Variants in SLC5A2 observed in about 807,000 individuals in gnomAD.
The protein encoded by SLC5A2 is solute carrier family 5 member 2, also known as sodium/glucose cotransporter 2.
Under a neutral mutation model 69.0 loss-of-function variants are expected in SLC5A2, and 67 were observed. The ratio of observed to expected loss-of-function variants is 0.97; its 90% CI spans 0.80 to 1.19. SLC5A2 has a LOEUF of 1.19. Ranked by LOEUF, SLC5A2 falls within the 50% of genes most tolerant of loss-of-function variation. The pLI is 0.00. For missense variants in SLC5A2, 1,001 were observed against 921.5 expected, an observed-to-expected ratio of 1.09 and a Z score of -1.12; for synonymous variants, 455 against 395.8, an observed-to-expected ratio of 1.15 and a Z score of -1.78.
At chr16:31,489,549 T>C in intron 12 of SLC5A2, 1 of 614,092 alleles carries the variant, frequency 1.6e-6, no homozygotes, top group South Asian at 1.9e-5. Flanking sequence ...GATGGGTTGG[T>C]GATTAAAGCC....
Position 31,489,319 on chromosome 16 carries a change from C to G in SLC5A2, c.1646C>G (p.Ala549Gly). Residue 549 changes from alanine to glycine, a missense_variant, in exon 12 of 14, where the codon GCG becomes GGG. Ala to Gly is a moderately conservative substitution (Grantham distance 60). Coordinates refer to ENST00000330498, the MANE Select transcript of SLC5A2 (RefSeq NM_003041.4). ...LLTLTVSLCT[A>G]PIPRKHLHRL... ...ACCCTCACGGTCTCCCTGTGCACCG[C>G]GCCCATCCCCAGAAAGCACGTGAGT... 1.9e-6 allele frequency: 3 copies of G among 1,609,054 alleles called. No individual in the cohort carries two copies. Among genetic ancestry groups the G allele is most frequent in the Admixed American group, 3.3e-5 (2 of 60,020 alleles).
Position 31,490,511 on chromosome 16 carries a change from G to C in SLC5A2, c.1995G>C (p.Val665=), listed in dbSNP as rs2142639192. 6.2e-7 allele frequency: 1 copy of C among 1,613,132 alleles called. No homozygotes were observed. ...LNALLMMAVA[V]FLWGFYA The stretch of plus-strand genomic sequence containing the variant: ...CCCTGCTCATGATGGCAGTGGCCGT[G>C]TTCCTCTGGGGCTTCTATGCCTAAG... Residue 665 remains valine, a synonymous_variant, in exon 14 of 14, where the codon GTG becomes GTC. Transcript: ENST00000330498.
At chr16:31,487,911 A>G in intron 7 of SLC5A2, 127 bp from the exon 8 acceptor site, 4 of 1,461,772 alleles carry the variant, frequency 2.7e-6, no homozygotes, top group East Asian at 2.4e-5. Context: ...AGAAGGCTCC[A>G]TCTACTCCAA....
chr16:31,488,496 G>T lies in SLC5A2; in HGVS notation c.1129+6G>T. The T allele has an allele frequency of 6.2e-7, 1 of 1,605,190 alleles. No individual in the cohort carries two copies. The highest frequency in any genetic ancestry group is 2.2e-5 in the East Asian group (1 of 44,548). ...CGTGAAGCTCATGCCCAACGGTAAG[G>T]GCAGCCCCGGGCCACAGGCGCAAGC... is the stretch of plus-strand genomic sequence containing the variant. On this transcript the variant is annotated splice_donor_region_variant and intron_variant, in intron 9 of 13. Transcript: ENST00000330498.
intron 1 of SLC5A2, among the ~76,000 whole-genome samples, chr16:31,483,643 A>C (rs1192199112): frequency 6.6e-6 from 1 of 152,202 alleles, no homozygotes; most frequent in East Asian, 1.9e-4. Context: ...CTGTAATCCC[A>C]GCACTTTGGG....
chr16:31,483,372 A>C lies in SLC5A2; in HGVS notation c.126+110A>C, dbSNP rs1040970490. On this transcript the variant is annotated intron_variant, in intron 1 of 13. Transcript: ENST00000330498. ...ATGATGCTTGGATCTTTGAAGGAGA[A>C]ACCTAGGCCTGGGGGCAAGCAGGTC... 7.1e-6 allele frequency: 10 copies of C among 1,409,694 alleles called. No individual in the cohort carries two copies. The Admixed American group carries it at 1.5e-4, about 22-fold the overall frequency. The allele number at this position is 1,409,694 out of a possible 1,614,324, so 87.3% of individuals were successfully genotyped here.
rs2082528300 is a variant in SLC5A2 at position 31,488,915 on chromosome 16, C to T, written c.1316C>T (p.Ala439Val). The change falls in exon 11 of 14, where the codon GCC (alanine) becomes GTC (valine). Residue 439 changes from alanine to valine, a missense_variant. By Grantham distance (64) the Ala-to-Val change is moderately conservative. Coordinates refer to ENST00000330498, the MANE Select transcript of SLC5A2 (RefSeq NM_003041.4). ...WVVFIVVVSV[A>V]WLPVVQAAQG... is the part of the protein sequence containing the mutation. Reference sequence around the variant, plus strand: ...GTGTTCATCGTGGTAGTGTCGGTGGCCTGGCTTCCCGTGGTGCAGGCGGCA... The same window carrying T: ...GTGTTCATCGTGGTAGTGTCGGTGGTCTGGCTTCCCGTGGTGCAGGCGGCA... The T allele has an allele frequency of 3.7e-6, 6 of 1,605,034 alleles. No homozygotes were observed. In the East Asian group the frequency reaches 8.9e-5, roughly 24 times the overall value.
In SLC5A2 at chr16:31,485,719, C is replaced by T; in HGVS notation, c.304-10C>T. 3 of 1,612,270 alleles carry T rather than the reference C, an allele frequency of 1.9e-6. No individual in the cohort carries two copies. Among genetic ancestry groups the T allele is most frequent in the Non-Finnish European group, 2.5e-6 (3 of 1,180,024 alleles). ...AAAGCCACCCTCAGCGGCAGTACTG[C>T]CCCCCGTAGGCGCTCTTCGTGGTGC... is the stretch of plus-strand genomic sequence containing the variant. On this transcript the variant is annotated splice_polypyrimidine_tract_variant and intron_variant, in intron 3 of 13. Transcript: ENST00000330498.
rs765322166 is a variant in SLC5A2, at chr16:31,484,843, A to T, written c.223A>T (p.Asn75Tyr). Residue 75 changes from asparagine (N) to tyrosine (Y), a missense_variant, in exon 3 of 14, where the codon AAC becomes TAC. Physicochemically the swap from Asn to Tyr is moderately radical, Grantham distance 143 (BLOSUM62 -2). Transcript: ENST00000330498. ...GGTTGGGGCCTCTCTCTTCGCCAGC[A>T]ACATCGGCAGTGGCCACTTTGTGGG... ...WPVGASLFASNIGSGHFVGLA... is the reference protein window; with the variant it reads ...WPVGASLFASYIGSGHFVGLA... 3.1e-6 allele frequency: 5 copies of T among 1,613,902 alleles called. No homozygotes were observed. The highest frequency in any genetic ancestry group is 4.2e-6 in the Non-Finnish European group (5 of 1,180,036).
chr16:31,484,849 G>T lies in SLC5A2; in HGVS notation c.229G>T (p.Gly77Cys), dbSNP rs368277683. The T allele has an allele frequency of 1.4e-5, 22 of 1,613,838 alleles. No individual in the cohort carries two copies. Among genetic ancestry groups the T allele is most frequent in the Non-Finnish European group, 1.9e-5 (22 of 1,180,040 alleles). The change falls in exon 3 of 14, where the codon GGC becomes TGC. Residue 77 changes from glycine (G) to cysteine (C), a missense_variant. Coordinates refer to ENST00000330498, the MANE Select transcript of SLC5A2 (RefSeq NM_003041.4). The stretch of plus-strand genomic sequence containing the variant: ...GGCCTCTCTCTTCGCCAGCAACATC[G>T]GCAGTGGCCACTTTGTGGGCCTGGC... ...VGASLFASNI[G>C]SGHFVGLAGT...
chr16:31,489,339 G>A lies in SLC5A2; in HGVS notation c.1665+1G>A, dbSNP rs370026934. On this transcript the variant is annotated splice_donor_variant, in intron 12 of 13. Coordinates refer to ENST00000330498, the MANE Select transcript of SLC5A2 (RefSeq NM_003041.4). LOFTEE classifies it high-confidence loss of function. ...CACCGCGCCCATCCCCAGAAAGCAC[G>A]TGAGTGGCCAGGTGCCCCAGGCAAG... 6.8e-6 allele frequency: 11 copies of A among 1,606,690 alleles called. 1 individual carries two copies. The highest frequency in any genetic ancestry group is 1.6e-4 in the Middle Eastern group (1 of 6,082).
Position 31,486,390 on chromosome 16 carries a change from G to T in SLC5A2, c.574+115G>T, listed in dbSNP as rs534006326. ...CTGGAGAGGTCTGGAAGGGTGGTGT[G>T]GTCCAAGCAGGAGAAGGAACTAAAT... On this transcript the variant is annotated intron_variant, in intron 5 of 13. Transcript: ENST00000330498. 1.0e-4 allele frequency: 78 copies of T among 747,098 alleles called. No homozygotes were observed. In the East Asian group the frequency reaches 2.0e-3, roughly 19 times the overall value. The allele number at this position is 747,098 out of a possible 1,614,324, so 46.3% of individuals were successfully genotyped here. A position where few individuals can be genotyped will look rare whatever the true frequency, so the allele number is the denominator to read the frequency against.
rs760532652 is a variant in SLC5A2 at position 31,485,813 on chromosome 16, C to G, written c.388C>G (p.Arg130Gly). The change falls in exon 4 of 14, where the codon CGC becomes GGC. Residue 130 changes from arginine (R) to glycine (G), a missense_variant. Arg to Gly is a moderately radical substitution (Grantham distance 125). Coordinates refer to ENST00000330498, the MANE Select transcript of SLC5A2 (RefSeq NM_003041.4). ...AGVITMPQYL[R>G]KRFGGRRIRL... The stretch of plus-strand genomic sequence containing the variant: ...GGTCATCACGATGCCACAGTACCTG[C>G]GCAAGCGCTTCGGCGGCCGCCGCAT... The G allele has an allele frequency of 6.2e-7, 1 of 1,613,454 alleles. No homozygotes were observed. The highest frequency in any genetic ancestry group is 1.7e-5 in the Admixed American group (1 of 60,026).
At chr16:31,488,559 G>C in intron 9 of SLC5A2, 63 bp from the exon 10 acceptor site, 2 of 1,604,938 alleles carry the variant, frequency 1.2e-6, no homozygotes, top group East Asian at 2.2e-5. Context: ...GTCGTCCCTC[G>C]CGCAGCTGCA....
At position 31,488,076 on chromosome 16, in the gene SLC5A2, C is replaced by T. The variant is rs775545727; in HGVS notation, c.924C>T (p.Thr308=). 6.2e-7 allele frequency: 1 copy of T among 1,614,008 alleles called. No homozygotes were observed. Among genetic ancestry groups the T allele is most frequent in the South Asian group, 1.1e-5 (1 of 91,092 alleles). The change falls in exon 8 of 14, where the codon ACC becomes ACT. Residue 308 remains threonine (T), a synonymous_variant. Coordinates refer to ENST00000330498, the MANE Select transcript of SLC5A2 (RefSeq NM_003041.4). ...VQRCLAGKSL[T]HIKAGCILCG... ...GCTGCCTGGCCGGGAAGAGCCTGAC[C>T]CACATCAAGGCGGGCTGCATCCTGT...
intron 1 of SLC5A2, among the ~76,000 whole-genome samples, chr16:31,484,139 C>T (rs936545804): frequency 2.0e-5 from 3 of 151,604 alleles, no homozygotes; most frequent in African/African-American, 7.3e-5. Flanking sequence ...TGCCTCAGTA[C>T]TTTGGGAGGC....
rs1207076821 is a variant in SLC5A2, at chr16:31,489,266, T to C, written c.1593T>C (p.Ile531=). ...LCGVHYLYFA[I]VLFFCSGLLT... is the part of the protein sequence containing the mutation. ...GCGTGCACTACCTCTACTTCGCCAT[T>C]GTGCTGTTCTTCTGCTCTGGCCTCC... The change falls in exon 12 of 14, where the codon ATT becomes ATC. Residue 531 remains isoleucine (I), a synonymous_variant. Transcript: ENST00000330498. 6.2e-7 allele frequency: 1 copy of C among 1,611,054 alleles called. No homozygotes were observed. Among genetic ancestry groups the C allele is most frequent in the East Asian group, 2.2e-5 (1 of 44,872 alleles).
At chr16:31,489,977 TG>T in intron 12 of SLC5A2, 126 bp from the exon 13 acceptor site, 1 of 1,291,526 alleles carries the variant, frequency 7.7e-7, no homozygotes, top group Non-Finnish European at 1.1e-6. Flanking sequence ...GAGTTAAGCC[TG>T]GGCTGGGTGT....
In SLC5A2 at chr16:31,488,745, G is replaced by A. The variant is rs1320195158; in HGVS notation, c.1253G>A (p.Gly418Asp). The A allele has an allele frequency of 1.2e-6, 2 of 1,605,414 alleles. No homozygotes were observed. The highest frequency in any genetic ancestry group is 2.2e-5 in the East Asian group (1 of 44,642). ...TACACGCGCCTGCGGCCACGCGCCGGCGACCGCGAGCTGCTGCTGGTGGGA... is the reference window on the plus strand; with the variant it reads ...TACACGCGCCTGCGGCCACGCGCCGACGACCGCGAGCTGCTGCTGGTGGGA... ...DIYTRLRPRA[G>D]DRELLLVGRL... Residue 418 changes from glycine (G) to aspartate (D), a missense_variant, in exon 10 of 14, where the codon GGC becomes GAC. Physicochemically the swap from Gly to Asp is moderately conservative, Grantham distance 94. Transcript: ENST00000330498.
Sources: gnomAD v4.1 joint callset for allele counts (sites outside exome capture counted in the v4.1 genomes callset) on GRCh38, gnomAD v4.1.1 for gene constraint, MANE v1.5 for transcripts, NCBI Gene and HGNC (gene_info 2026-07-23, HGNC 2026-07-21) for gene names.